LRBA: variants seen among roughly 807,000 people sequenced by gnomAD.
LRBA encodes lipopolysaccharide-responsive and beige-like anchor protein.
Under a neutral mutation model 330.0 loss-of-function variants are expected in LRBA, and 176 were observed. The ratio of observed to expected loss-of-function variants is 0.53; its 90% confidence interval spans 0.47 to 0.60. LRBA has a LOEUF of 0.60. LRBA is among the 20% of genes least tolerant of loss of function. LRBA has a pLI of 0.00. For synonymous variants in LRBA, 1,230 were observed against 1,193.0 expected, an observed-to-expected ratio of 1.03 and a Z score of -0.64; for missense variants, 3,259 against 3,444.8, an observed-to-expected ratio of 0.95 and a Z score of 1.35.
At chr4:150,838,968 G>A (rs1282071885) in intron 28 of LRBA, among the ~76,000 whole-genome samples, 1 of 152,032 alleles carries the variant, frequency 6.6e-6, no homozygotes, top group Non-Finnish European at 1.5e-5. Flanking sequence ...TACAGAATGG[G>A]AGAAAATTTT....
chr4:150,406,545 G>A (rs760337203), intron 47 of LRBA, among the ~76,000 whole-genome samples: 5 of 152,140 alleles, frequency 3.3e-5, no homozygotes, highest in East Asian at 1.9e-4. Flanking sequence ...GAGAACTGAC[G>A]TGGCTTTAAC....
chr4:150,412,809 T>TA (rs1747193187), intron 47 of LRBA, among the ~76,000 whole-genome samples: 1 of 151,646 alleles, frequency 6.6e-6, no homozygotes, highest in South Asian at 2.1e-4. Context: ...CTTAAAAGTA[T>TA]ATTCACCAAT....
At chr4:150,837,441 T>C (rs1400848653) in intron 28 of LRBA, among the ~76,000 whole-genome samples, 1 of 152,204 alleles carries the variant, frequency 6.6e-6, no homozygotes, top group South Asian at 2.1e-4. Flanking sequence ...AGTCTCTTTC[T>C]AGGTCTCTAA....
At chr4:150,539,258 G>A (rs1045632040) in intron 40 of LRBA, among the ~76,000 whole-genome samples, 1 of 152,214 alleles carries the variant, frequency 6.6e-6, no homozygotes, top group Non-Finnish European at 1.5e-5. Flanking sequence ...ACAGGCATAA[G>A]CCACAGTGCC....
At chr4:150,325,663 G>T in intron 49 of LRBA, 146 bp downstream of exon 49, 1 of 619,864 alleles carries the variant, frequency 1.6e-6, no homozygotes. Context: ...AATAACATCT[G>T]CTGGTTGTTA....
intron 37 of LRBA, among the ~76,000 whole-genome samples, chr4:150,658,128 C>T (rs13104720): frequency 0.053 from 8,082 of 151,976 alleles, 308 homozygotes; most frequent in Middle Eastern, 0.12. Context: ...GGGACCCTGA[C>T]GATCGATACT....
rs781586380 is a variant in LRBA at position 150,277,890 on chromosome 4, C to T, written c.8431G>A (p.Ala2811Thr). ...GACAGCGCCATGGCCCGGATTCCAG[C>T]GTCACATCCTGGATAGGCAAAGAGC... ...KQLFAYPGCD[A>T]GIRAMALSYD... Residue 2811 changes from alanine (A) to threonine (T), a missense_variant, in exon 56 of 57, where the codon GCT becomes ACT. Coordinates refer to ENST00000651943, the MANE Select transcript of LRBA (RefSeq NM_001364905.1). The T allele has an allele frequency of 1.1e-5, 18 of 1,613,978 alleles. No homozygotes were observed. Among genetic ancestry groups the T allele is most frequent in the East Asian group, 8.9e-5 (4 of 44,880 alleles).
At chr4:150,863,025 G>A (rs1248796961) in intron 22 of LRBA, among the ~76,000 whole-genome samples, 2 of 152,014 alleles carry the variant, frequency 1.3e-5, no homozygotes, top group Non-Finnish European at 2.9e-5. Flanking sequence ...CTAACCGGGT[G>A]TGTGGCTCAT....
chr4:150,952,871 A>T (rs1285789954), intron 2 of LRBA, among the ~76,000 whole-genome samples: 1 of 151,990 alleles, frequency 6.6e-6, no homozygotes, highest in Non-Finnish European at 1.5e-5. Flanking sequence ...ATTCATCTTT[A>T]TATCTCTGTG....
Position 150,401,198 on chromosome 4 carries a change from G to A in LRBA, c.7194+14240C>T, listed in dbSNP as rs951096971. ...GGCCTGGAACAGATCCTTCTCTATCGCCTTCAGCGGGAGAATGGCCCTGCT... is the reference window on the plus strand; with the variant it reads ...GGCCTGGAACAGATCCTTCTCTATCACCTTCAGCGGGAGAATGGCCCTGCT... On this transcript the variant is annotated intron_variant, in intron 47 of 56. Coordinates refer to ENST00000651943, the MANE Select transcript of LRBA (RefSeq NM_001364905.1). Among the ~76,000 whole-genome samples, 6 of 152,220 alleles carry A rather than the reference G, an allele frequency of 3.9e-5. No individual in the cohort carries two copies. In the South Asian group the frequency reaches 6.2e-4, roughly 16 times the overall value.
At chr4:150,750,532 G>A (rs1311425740) in intron 35 of LRBA, among the ~76,000 whole-genome samples, 1 of 152,008 alleles carries the variant, frequency 6.6e-6, no homozygotes, top group Non-Finnish European at 1.5e-5. Context: ...GTCTTGCTAT[G>A]TTGTCCAGGC....
At chr4:150,742,240 A>T (rs1732110197) in intron 35 of LRBA, among the ~76,000 whole-genome samples, 1 of 150,924 alleles carries the variant, frequency 6.6e-6, no homozygotes, top group Non-Finnish European at 1.5e-5. Context: ...CAACCTCCCA[A>T]GCTCAAGTGA....
At chr4:150,412,727 T>G (rs924290112) in intron 47 of LRBA, among the ~76,000 whole-genome samples, 1 of 151,938 alleles carries the variant, frequency 6.6e-6, no homozygotes, top group South Asian at 2.1e-4. Flanking sequence ...CCGATTCCCT[T>G]GAGACTTAAA....
chr4:150,815,984 A>C (rs1000387121), intron 31 of LRBA, among the ~76,000 whole-genome samples: 4 of 151,998 alleles, frequency 2.6e-5, no homozygotes, highest in Admixed American at 2.0e-4. Context: ...CAAGCACAAT[A>C]ACAAATAAAA....
intron 35 of LRBA, among the ~76,000 whole-genome samples, chr4:150,743,430 T>C (rs993189994): frequency 6.6e-6 from 1 of 152,074 alleles, no homozygotes; most frequent in Non-Finnish European, 1.5e-5. Context: ...TTGTTCCAAA[T>C]TGACAAAATA....
rs529566689 is a variant in LRBA at position 150,681,155 on chromosome 4, A to T, written c.5921+2396T>A. On this transcript the variant is annotated intron_variant, in intron 37 of 56. Transcript: ENST00000651943. ...GCATATTTCTTTTAGCAGGCTTAGC[A>T]TAGTTAAATGCATTACAGCTACAGT... Among the ~76,000 whole-genome samples the T allele has an allele frequency of 9.2e-5, 14 of 152,342 alleles. No homozygotes were observed. In the East Asian group the frequency reaches 2.5e-3, roughly 27 times the overall value.
At chr4:150,398,973 T>C (rs1432781055) in intron 47 of LRBA, among the ~76,000 whole-genome samples, 1 of 152,140 alleles carries the variant, frequency 6.6e-6, no homozygotes, top group Non-Finnish European at 1.5e-5. Context: ...CTGCCAAATA[T>C]AAATATATCC....
chr4:150,850,460 C>T (rs1750482224), intron 24 of LRBA, among the ~76,000 whole-genome samples: 1 of 152,094 alleles, frequency 6.6e-6, no homozygotes, highest in Admixed American at 6.6e-5. Context: ...CTGGTGAATT[C>T]CGTGCCATAA....
intron 35 of LRBA, among the ~76,000 whole-genome samples, chr4:150,738,257 C>G (rs1415907637): frequency 6.6e-6 from 1 of 152,008 alleles, no homozygotes; most frequent in Admixed American, 6.6e-5. Context: ...TCCCAAAGTG[C>G]TGGGATTTCA....
Sources: gnomAD v4.1 joint callset for allele counts (sites outside exome capture counted in the v4.1 genomes callset) on GRCh38, gnomAD v4.1.1 for gene constraint, MANE v1.5 for transcripts, NCBI Gene and HGNC (gene_info 2026-07-23, HGNC 2026-07-21) for gene names.